The following TMEM164 variants were observed in gnomAD, a reference collection of about 807,000 sequenced individuals.
TMEM164 encodes the protein transmembrane protein 164.
In TMEM164, 4 loss-of-function variants were observed where a neutral mutation model predicts 18.8. The ratio of observed to expected loss-of-function variants is 0.21; its 90% confidence interval spans 0.10 to 0.49. TMEM164 has a LOEUF of 0.49. Ranked by LOEUF, TMEM164 falls within the 20% of genes least tolerant of loss-of-function variation. The pLI, the probability that TMEM164 is intolerant of heterozygous loss-of-function variation, is 0.98. For synonymous variants in TMEM164, 86 were observed against 101.7 expected, an observed-to-expected ratio of 0.85 and a Z score of 0.93; for missense variants, 108 against 239.9, an observed-to-expected ratio of 0.45 and a Z score of 3.63.
chrX:110,144,556 T>G (rs2066823690), intron 4 of TMEM164, among the ~76,000 whole-genome samples: 1 of 111,735 alleles, frequency 8.9e-6, no homozygotes, highest in African/African-American at 3.3e-5. Flanking sequence ...TAACCAAACT[T>G]TCTTAGTGGA....
intron 3 of TMEM164, among the ~76,000 whole-genome samples, chrX:110,093,138 C>T (rs1021607519): frequency 2.7e-5 from 3 of 111,544 alleles, no homozygotes; most frequent in East Asian, 2.8e-4. Flanking sequence ...ATTTTTGCAT[C>T]GATGTTCATC....
At chrX:110,118,507 C>T (rs1174765599) in intron 4 of TMEM164, among the ~76,000 whole-genome samples, 2 of 111,266 alleles carry the variant, frequency 1.8e-5, no homozygotes, top group Admixed American at 9.6e-5. Flanking sequence ...TTAGAATTCC[C>T]GTTTGTTTAC....
At chrX:110,130,655 C>T (rs1351504134) in intron 4 of TMEM164, among the ~76,000 whole-genome samples, 1 of 109,372 alleles carries the variant, frequency 9.1e-6, no homozygotes, top group Non-Finnish European at 1.9e-5. Flanking sequence ...AGTATTTCTC[C>T]AGGTAGGGGT....
At chrX:110,169,773 A>T (rs993753332) in intron 5 of TMEM164, among the ~76,000 whole-genome samples, 1 of 112,005 alleles carries the variant, frequency 8.9e-6, no homozygotes, top group East Asian at 2.8e-4. Flanking sequence ...AGTGAAAAGA[A>T]CTGGTAACTC....
At chrX:110,053,497 G>C (rs967373553) in intron 2 of TMEM164, among the ~76,000 whole-genome samples, 5 of 111,568 alleles carry the variant, frequency 4.5e-5, no homozygotes, top group African/African-American at 1.6e-4. Context: ...TGAGGCTTAA[G>C]GAGGTGTAAA....
chrX:110,022,619 TGAG>T (rs772810349), intron 2 of TMEM164, among the ~76,000 whole-genome samples: 33 of 111,767 alleles, frequency 3.0e-4, no homozygotes, highest in Non-Finnish European at 5.8e-4. Context: ...GAGAGAGGTT[TGAG>T]GAGAACTGCC....
At chrX:110,014,744 C>CTTTTTTTTTTTTTTTTTTTTTTTTT (rs142705177) in intron 2 of TMEM164, among the ~76,000 whole-genome samples, 182 of 54,140 alleles carry the variant, frequency 3.4e-3, no homozygotes, top group Non-Finnish European at 4.1e-3. Flanking sequence ...TTGGTTGTTT[C>CTTTTTTTTTTTTTTTTTTTTTTTTT]TTTTTTTTTT....
At chrX:110,007,206 AG>A (rs1932768522) in intron 2 of TMEM164, among the ~76,000 whole-genome samples, 1 of 112,364 alleles carries the variant, frequency 8.9e-6, no homozygotes, top group African/African-American at 3.2e-5. Context: ...TAGTAGCATA[AG>A]GAAGGGCAGT....
chrX:110,104,325 C>G, intron 3 of TMEM164, among the ~76,000 whole-genome samples: 1 of 111,682 alleles, frequency 9.0e-6, no homozygotes, highest in Non-Finnish European at 1.9e-5. Flanking sequence ...CCTTAGAATG[C>G]CCTGTGCCCC....
intron 2 of TMEM164, among the ~76,000 whole-genome samples, chrX:110,048,914 G>T (rs1935428950): frequency 9.0e-6 from 1 of 111,434 alleles, no homozygotes; most frequent in Non-Finnish European, 1.9e-5. Context: ...CATTATTCTG[G>T]GATTCCACAT....
In TMEM164 at chrX:110,154,266, C is replaced by T. The variant is rs1414756592; in HGVS notation, c.586+9390C>T. 2.7e-5 allele frequency among the ~76,000 whole-genome samples: 3 copies of T among 112,074 alleles called. No individual in the cohort carries two copies. In the Admixed American group the frequency reaches 2.8e-4, roughly 11 times the overall value. Reference sequence around the variant, plus strand: ...GTGCCTTTTAAAAGCATTTTGATAACTATAGTTCAACATGATTATTTTCTT... The same window carrying T: ...GTGCCTTTTAAAAGCATTTTGATAATTATAGTTCAACATGATTATTTTCTT... On this transcript the variant is annotated intron_variant, in intron 5 of 6. Transcript: ENST00000372068.
At chrX:110,145,854 G>A (rs1280099468) in intron 5 of TMEM164, among the ~76,000 whole-genome samples, 1 of 111,785 alleles carries the variant, frequency 8.9e-6, no homozygotes, top group Non-Finnish European at 1.9e-5. Context: ...CCAAGGACTG[G>A]TCAACCCAGG....
intron 3 of TMEM164, among the ~76,000 whole-genome samples, chrX:110,069,570 C>CTTTTTTTTTTTTTTTTT (rs72102436): frequency 1.1e-5 from 1 of 91,465 alleles, no homozygotes; most frequent in Non-Finnish European, 2.2e-5. Context: ...TTTATATTGA[C>CTTTTTTTTTTTTTTTTT]TTTTTTTTTT....
chrX:110,170,361 T>C (rs1208108550), intron 5 of TMEM164, among the ~76,000 whole-genome samples: 1 of 113,174 alleles, frequency 8.8e-6, no homozygotes, highest in East Asian at 2.8e-4. Context: ...GCAGGGAACC[T>C]GCCTTCTTTA....
In TMEM164 at chrX:110,114,628, C is replaced by T. The variant is rs1358134425; in HGVS notation, c.507+5482C>T. ...CTGGGCCCATGCTGCAACTTCAGCG[C>T]TCTGCTTTTCACCCTCTAACCCCCA... On this transcript the variant is annotated intron_variant, in intron 4 of 6. Coordinates refer to ENST00000372068, the MANE Select transcript of TMEM164 (RefSeq NM_032227.4). Among the ~76,000 whole-genome samples the T allele has an allele frequency of 4.5e-5, 5 of 111,717 alleles. No homozygotes were observed. In the East Asian group the frequency reaches 1.4e-3, roughly 31 times the overall value.
intron 6 of TMEM164, 146 bp downstream of exon 6, chrX:110,171,666 T>A (rs2067232794): frequency 1.8e-6 from 1 of 547,810 alleles, no homozygotes; most frequent in Non-Finnish European, 3.2e-6. Context: ...TCTGGATTGC[T>A]GATTTATGAT....
chrX:110,008,965 C>A (rs994383044), intron 2 of TMEM164, among the ~76,000 whole-genome samples: 1 of 111,472 alleles, frequency 9.0e-6, no homozygotes, highest in African/African-American at 3.3e-5. Flanking sequence ...TTCCTCTAAT[C>A]ATTTTTGTTA....
At chrX:110,025,971 AT>A (rs1569298614) in intron 2 of TMEM164, among the ~76,000 whole-genome samples, 1 of 112,631 alleles carries the variant, frequency 8.9e-6, no homozygotes, top group African/African-American at 3.2e-5. Flanking sequence ...TATGTTTTTC[AT>A]TTGTAAAATG....
chrX:110,162,185 C>G (rs1436145458), intron 5 of TMEM164, among the ~76,000 whole-genome samples: 2 of 112,912 alleles, frequency 1.8e-5, no homozygotes, highest in Non-Finnish European at 3.7e-5. Flanking sequence ...GCGTAAAGCT[C>G]AGCAGAGACA....
Sources: allele counts gnomAD v4.1 joint callset (sites outside exome capture counted in the v4.1 genomes callset), GRCh38; gene constraint gnomAD v4.1.1; transcripts MANE v1.5; gene names NCBI Gene and HGNC (gene_info 2026-07-23, HGNC 2026-07-21).